MINDY4: variants seen among roughly 807,000 people sequenced by gnomAD.
MINDY4 encodes probable ubiquitin carboxyl-terminal hydrolase MINDY-4.
In MINDY4, 68 loss-of-function variants were observed where a neutral mutation model predicts 87.0. The ratio of observed to expected loss-of-function variants is 0.78; its 90% confidence interval spans 0.64 to 0.96. The LOEUF is 0.96. MINDY4 is among the 40% of genes least tolerant of loss of function. The probability of loss-of-function intolerance (pLI) is 0.00; values close to 1 mark genes in which losing one functional copy is unlikely to be tolerated. For synonymous variants in MINDY4, 379 were observed against 363.2 expected, an observed-to-expected ratio of 1.04 and a Z score of -0.50; for missense variants, 919 against 928.2, an observed-to-expected ratio of 0.99 and a Z score of 0.13.
chr7:30,803,065 C>T (rs1441491477), intron 5 of MINDY4: 3 of 152,322 alleles, frequency 2.0e-5, no homozygotes, highest in Non-Finnish European at 4.4e-5. Context: ...CCAGCCAACT[C>T]ACTGTCCCAA....
chr7:30,808,932 GGA>G (rs55961516), intron 5 of MINDY4, among the ~76,000 whole-genome samples: 131 of 145,008 alleles, frequency 9.0e-4, no homozygotes, highest in Admixed American at 1.8e-3. Context: ...AGGGAGTCAA[GGA>G]GAGAGAGAGA....
At chr7:30,789,321 G>A (rs923079842) in intron 4 of MINDY4, among the ~76,000 whole-genome samples, 1 of 152,154 alleles carries the variant, frequency 6.6e-6, no homozygotes, top group African/African-American at 2.4e-5. Flanking sequence ...TCTCCTTTTG[G>A]TAATTGTTTT....
intron 6 of MINDY4, among the ~76,000 whole-genome samples, chr7:30,830,508 A>G (rs57140105): frequency 0.21 from 32,560 of 152,180 alleles, 4,235 homozygotes; most frequent in African/African-American, 0.35. Context: ...CAATCGTGGC[A>G]GAAGGGGAAG....
At chr7:30,871,867 G>T (rs560193818) in intron 13 of MINDY4, among the ~76,000 whole-genome samples, 21 of 152,278 alleles carry the variant, frequency 1.4e-4, no homozygotes, top group Admixed American at 8.5e-4. Flanking sequence ...GTGGAAGAGG[G>T]TTCCTCAGTC....
At chr7:30,788,257 C>A (rs1398921365) in intron 4 of MINDY4, among the ~76,000 whole-genome samples, 3 of 152,180 alleles carry the variant, frequency 2.0e-5, no homozygotes, top group Non-Finnish European at 4.4e-5. Context: ...TGATACTACA[C>A]CAAAACTAGA....
At chr7:30,825,060 A>G (rs1227527498) in intron 5 of MINDY4, among the ~76,000 whole-genome samples, 7 of 152,170 alleles carry the variant, frequency 4.6e-5, no homozygotes, top group Admixed American at 3.9e-4. Flanking sequence ...CTTGGCCCCC[A>G]TGAATTTATT....
At chr7:30,888,172 G>C (rs769956757) in intron 17 of MINDY4, among the ~76,000 whole-genome samples, 36 of 152,240 alleles carry the variant, frequency 2.4e-4, no homozygotes, top group African/African-American at 8.7e-4. Flanking sequence ...TGATGCCTCT[G>C]GGGGGACAGG....
intron 15 of MINDY4, among the ~76,000 whole-genome samples, chr7:30,877,390 T>C (rs1452799841): frequency 6.6e-6 from 1 of 152,186 alleles, no homozygotes; most frequent in Admixed American, 6.5e-5. Flanking sequence ...TGTAATAAAA[T>C]TGAAGAAATT....
intron 4 of MINDY4, among the ~76,000 whole-genome samples, chr7:30,788,433 T>A: frequency 6.6e-6 from 1 of 152,218 alleles, no homozygotes; most frequent in East Asian, 1.9e-4. Context: ...GTTATATAGA[T>A]CTTCCAAATG....
At chr7:30,822,715 G>C (rs551063257) in intron 5 of MINDY4, among the ~76,000 whole-genome samples, 1 of 151,720 alleles carries the variant, frequency 6.6e-6, no homozygotes, top group African/African-American at 2.4e-5. Flanking sequence ...GCTCACTGCA[G>C]TCTTGACTTC....
chr7:30,822,627 T>TTTTTTTTATTTATTTATTTATTTATTTA (rs1554280714), intron 5 of MINDY4, among the ~76,000 whole-genome samples: 3 of 145,654 alleles, frequency 2.1e-5, no homozygotes, highest in African/African-American at 8.0e-5. Context: ...TGCCTGTCTA[T>TTTTTTTTATTTATTTATTTATTTATTTA]TTTATTTATT....
At chr7:30,779,365 T>C (rs1562528090) in intron 2 of MINDY4, among the ~76,000 whole-genome samples, 3 of 152,246 alleles carry the variant, frequency 2.0e-5, no homozygotes, top group Admixed American at 6.5e-5. Context: ...TGAATGAAAC[T>C]ACACTTTCTA....
At chr7:30,835,328 G>A (rs1383760923) in intron 6 of MINDY4, among the ~76,000 whole-genome samples, 2 of 152,204 alleles carry the variant, frequency 1.3e-5, no homozygotes, top group Non-Finnish European at 2.9e-5. Context: ...ATCAGATGTT[G>A]TGAGACTTAT....
At chr7:30,796,733 T>C (rs745379716) in intron 5 of MINDY4, 10 of 152,170 alleles carry the variant, frequency 6.6e-5, no homozygotes, top group Non-Finnish European at 1.0e-4. Flanking sequence ...TTGTAGTTAA[T>C]GTTTAAAGCT....
At chr7:30,797,209 C>T (rs972087739) in intron 5 of MINDY4, among the ~76,000 whole-genome samples, 2 of 152,226 alleles carry the variant, frequency 1.3e-5, no homozygotes, top group Admixed American at 1.3e-4. Context: ...GCCAGACCCA[C>T]CAGCCAGTCA....
intron 13 of MINDY4, among the ~76,000 whole-genome samples, chr7:30,860,943 A>C (rs1789741003): frequency 6.6e-6 from 1 of 152,188 alleles, no homozygotes; most frequent in Non-Finnish European, 1.5e-5. Context: ...CAACACACAT[A>C]CACAAAGACA....
At chr7:30,791,615 G>GCTCCACCTCT in intron 5 of MINDY4, 41 bp downstream of exon 5, 1 of 1,553,346 alleles carries the variant, frequency 6.4e-7, no homozygotes, top group African/African-American at 1.4e-5. Context: ...TCAAAAAGAA[G>GCTCCACCTCT]CTCCACCTCT....
In MINDY4 at chr7:30,839,413, G is replaced by A. The variant is rs1025138415; in HGVS notation, c.1356+97G>A. 7.1e-6 allele frequency: 5 copies of A among 705,770 alleles called. No homozygotes were observed. The African/African-American group carries it at 7.2e-5, about 10-fold the overall frequency. The allele number at this position is 705,770 out of a possible 1,614,324, so 43.7% of individuals were successfully genotyped here. A position where few individuals can be genotyped will look rare whatever the true frequency, so the allele number is the denominator to read the frequency against. On this transcript the variant is annotated intron_variant, in intron 8 of 17. Transcript: ENST00000265299. ...GTTTTGGTTAATCCTGTGAGCATTA[G>A]CTGAGCTATTCTGGACCAGCCAGCC...
At position 30,835,254 on chromosome 7, in the gene MINDY4, C is replaced by T. The variant is rs142674615; in HGVS notation, c.1133-1404C>T. Among the ~76,000 whole-genome samples the T allele has an allele frequency of 6.1e-3, 928 of 152,320 alleles. 6 individuals are homozygous for T. Among genetic ancestry groups the T allele is most frequent in the African/African-American group, 0.021 (883 of 41,562 alleles). ...GCAGAAGGCAAGGAGGAGCAAGTCACATCTTATGTGGATGGCAGCAGGCAA... is the reference window on the plus strand; with the variant it reads ...GCAGAAGGCAAGGAGGAGCAAGTCATATCTTATGTGGATGGCAGCAGGCAA... On this transcript the variant is annotated intron_variant, in intron 6 of 17. Transcript: ENST00000265299.
Sources: allele counts gnomAD v4.1 joint callset (sites outside exome capture counted in the v4.1 genomes callset), GRCh38; gene constraint gnomAD v4.1.1; transcripts MANE v1.5; gene names NCBI Gene and HGNC (gene_info 2026-07-23, HGNC 2026-07-21).